Variants in PTAFR observed in about 807,000 individuals in gnomAD.
PTAFR encodes the protein platelet activating factor receptor.
A neutral mutation model predicts 14.7 loss-of-function variants in PTAFR; 8 were observed. The ratio of observed to expected loss-of-function variants is 0.54; its 90% CI spans 0.32 to 0.98. The LOEUF is 0.98. Among genes scored for constraint, PTAFR ranks in the 50% least tolerant of loss-of-function variants. The pLI is 0.04. For missense variants in PTAFR, 337 were observed against 451.2 expected (o/e 0.75, Z 2.29); for synonymous variants, 156 against 176.5 (o/e 0.88, Z 0.92).
At chr1:28,170,135 A>G (rs1251199812) in intron 1 of PTAFR, among the ~76,000 whole-genome samples, 1 of 152,152 alleles carries the variant, frequency 6.6e-6, no homozygotes, top group Non-Finnish European at 1.5e-5. Context: ...AATCTATCAC[A>G]TTGCATTATC....
At chr1:28,155,250 A>G (rs564770387) in intron 1 of PTAFR, among the ~76,000 whole-genome samples, 1 of 151,990 alleles carries the variant, frequency 6.6e-6, no homozygotes, top group Non-Finnish European at 1.5e-5. Flanking sequence ...TCGCTCTGTC[A>G]CCCAGGCTGG....
chr1:28,153,293 C>G (rs1449958951), intron 1 of PTAFR, among the ~76,000 whole-genome samples: 1 of 152,162 alleles, frequency 6.6e-6, no homozygotes, highest in Non-Finnish European at 1.5e-5. Context: ...TCTTGTTCCT[C>G]CCACTATTGC....
At chr1:28,156,927 G>A (rs1246142442) in intron 1 of PTAFR, among the ~76,000 whole-genome samples, 1 of 152,070 alleles carries the variant, frequency 6.6e-6, no homozygotes, top group East Asian at 1.9e-4. Flanking sequence ...CTGGGTCTTG[G>A]GGGCAGTCAG....
At chr1:28,188,959 A>G (rs1271270608) in intron 1 of PTAFR, among the ~76,000 whole-genome samples, 1 of 152,202 alleles carries the variant, frequency 6.6e-6, no homozygotes, top group Non-Finnish European at 1.5e-5. Flanking sequence ...TCAGGAGCCT[A>G]AGTTAAAACA....
In PTAFR at chr1:28,153,603, A is replaced by T. The variant is rs1223904848; in HGVS notation, c.-38-2544T>A. ...CTACAAAAAAAAAAAAAAAAAAAAA[A>T]TACAGGCTAGGCGCGGTGGCTCACA... On this transcript the variant is annotated intron_variant, in intron 1 of 1. Coordinates refer to ENST00000373857, the MANE Select transcript of PTAFR (RefSeq NM_000952.5). 2.1e-5 allele frequency among the ~76,000 whole-genome samples: 3 copies of T among 143,020 alleles called. No individual in the cohort carries two copies. The East Asian group carries it at 6.1e-4, about 29-fold the overall frequency. 93.8% of individuals were successfully genotyped at this position (143,020 alleles called of 152,430 possible).
At chr1:28,165,934 T>A (rs562500305) in intron 1 of PTAFR, among the ~76,000 whole-genome samples, 17 of 152,334 alleles carry the variant, frequency 1.1e-4, no homozygotes, top group South Asian at 4.1e-4. Context: ...AAAATCCCAG[T>A]GTAATTTTTA....
chr1:28,159,839 A>G (rs79256446), intron 1 of PTAFR, among the ~76,000 whole-genome samples: 1 of 151,660 alleles, frequency 6.6e-6, no homozygotes, highest in African/African-American at 2.4e-5. Context: ...AAAAAAAAAA[A>G]GAAGTTTGAT....
chr1:28,176,791 CA>C (rs1646520093), upstream of PTAFR: 1 of 153,040 alleles, frequency 6.5e-6, no homozygotes, highest in Admixed American at 6.5e-5. Flanking sequence ...GCTGGGCCGC[CA>C]GGACCTGGGC....
intron 1 of PTAFR, among the ~76,000 whole-genome samples, chr1:28,156,861 T>A (rs987350175): frequency 6.6e-6 from 1 of 152,140 alleles, no homozygotes; most frequent in Non-Finnish European, 1.5e-5. Flanking sequence ...GGAGGCATAT[T>A]TGGCCTGTGT....
intron 1 of PTAFR, among the ~76,000 whole-genome samples, chr1:28,184,497 A>G (rs1646590312): frequency 6.6e-6 from 1 of 152,152 alleles, no homozygotes; most frequent in Admixed American, 6.6e-5. Context: ...CACGTACAGG[A>G]GAAGTCAAAG....
upstream of PTAFR, chr1:28,177,296 A>C (rs755225408): frequency 6.6e-6 from 1 of 152,442 alleles, no homozygotes; most frequent in Non-Finnish European, 1.5e-5. Flanking sequence ...GAGGGAGAAG[A>C]GAGGAGCTCG....
At chr1:28,182,827 C>T (rs1220578553) in intron 1 of PTAFR, among the ~76,000 whole-genome samples, 2 of 152,088 alleles carry the variant, frequency 1.3e-5, no homozygotes, top group African/African-American at 2.4e-5. Context: ...ATTACAGGCA[C>T]CTGCCACCAT....
At chr1:28,157,202 C>T (rs972750239) in intron 1 of PTAFR, among the ~76,000 whole-genome samples, 3 of 152,086 alleles carry the variant, frequency 2.0e-5, no homozygotes, top group African/African-American at 7.2e-5. Flanking sequence ...TGCAGTGGCA[C>T]AATCTTGGCT....
intron 1 of PTAFR, among the ~76,000 whole-genome samples, chr1:28,175,958 T>C (rs1362617286): frequency 1.3e-5 from 2 of 152,042 alleles, no homozygotes; most frequent in African/African-American, 4.8e-5. Flanking sequence ...CACCTCCCAG[T>C]AGGGTCTCTG....
intron 1 of PTAFR, among the ~76,000 whole-genome samples, chr1:28,156,838 G>C (rs566774403): frequency 6.6e-6 from 1 of 152,274 alleles, no homozygotes; most frequent in African/African-American, 2.4e-5. Flanking sequence ...TGGGGGTCCT[G>C]TTTCCAGGGC....
chr1:28,168,107 C>G (rs962940168), intron 1 of PTAFR, among the ~76,000 whole-genome samples: 8 of 150,180 alleles, frequency 5.3e-5, no homozygotes, highest in Admixed American at 6.7e-5. Flanking sequence ...TACAGGTGCC[C>G]GCCACCACAC....
At chr1:28,184,082 G>GTTTTTTTTT in intron 1 of PTAFR, among the ~76,000 whole-genome samples, 1 of 82,408 alleles carries the variant, frequency 1.2e-5, no homozygotes, top group Non-Finnish European at 2.3e-5. Flanking sequence ...CCATTAGTCT[G>GTTTTTTTTT]TTTTTTTTTT....
intron 1 of PTAFR, among the ~76,000 whole-genome samples, chr1:28,182,046 A>G (rs1418229577): frequency 2.0e-5 from 3 of 151,922 alleles, no homozygotes; most frequent in African/African-American, 7.3e-5. Context: ...AAAAAAAGAA[A>G]GAAATTGGGC....
rs1278358792 is a variant in PTAFR, at chr1:28,150,031, G to A, written c.991C>T (p.Pro331Ser). Residue 331 changes from proline to serine, a missense_variant, in exon 2 of 2, where the codon CCA becomes TCA. Transcript: ENST00000373857. The surrounding 1 kb of genome is among the most constrained non-coding windows in gnomAD (Gnocchi z 6.3). ...GAATTGCCAGGGATCTGGTTGAATGGCACAACCACTTCAGTGACCGTATCC... is the reference window on the plus strand; with the variant it reads ...GAATTGCCAGGGATCTGGTTGAATGACACAACCACTTCAGTGACCGTATCC... ...TTDTVTEVVV[P>S]FNQIPGNSLK... 1 of 1,613,880 alleles carries A rather than the reference G, an allele frequency of 6.2e-7. No homozygotes were observed. The highest frequency in any genetic ancestry group is 8.5e-7 in the Non-Finnish European group (1 of 1,179,910).
Sources: allele counts gnomAD v4.1 joint callset (sites outside exome capture counted in the v4.1 genomes callset), GRCh38; gene constraint gnomAD v4.1.1; non-coding constraint Gnocchi (gnomAD v3.1); transcripts MANE v1.5; gene names NCBI Gene and HGNC (gene_info 2026-07-23, HGNC 2026-07-21).